Variants in NRXN3 observed in about 807,000 individuals in gnomAD.
The protein encoded by NRXN3 is neurexin 3.
NRXN3 carries 32 observed loss-of-function variants against 137.6 expected under a neutral mutation model. The observed-to-expected ratio is 0.23, with a 90% CI of 0.18 to 0.31. The LOEUF (loss-of-function observed/expected upper bound fraction) is 0.31. Among genes scored for constraint, NRXN3 ranks in the 10% least tolerant of loss-of-function variants. The pLI, the probability that NRXN3 is intolerant of heterozygous loss-of-function variation, is 1.00. For synonymous variants in NRXN3, 798 were observed against 784.5 expected, an observed-to-expected ratio of 1.02 and a Z score of -0.29; for missense variants, 1,574 against 2,062.5, an observed-to-expected ratio of 0.76 and a Z score of 4.59.
At chr14:78,337,759 T>C (rs933689409) in intron 4 of NRXN3, among the ~76,000 whole-genome samples, 2 of 152,192 alleles carry the variant, frequency 1.3e-5, no homozygotes, top group African/African-American at 4.8e-5. Context: ...GCCGTATATA[T>C]AGTACTGATA....
chr14:79,743,398 A>T (rs1228712789), intron 19 of NRXN3, among the ~76,000 whole-genome samples: 1 of 152,166 alleles, frequency 6.6e-6, no homozygotes, highest in Non-Finnish European at 1.5e-5. Context: ...ACAACTCAGA[A>T]ATCTATTTGG....
In NRXN3 at chr14:78,775,662, A is replaced by G. The variant is rs987556146; in HGVS notation, c.2045-27958A>G. Among the ~76,000 whole-genome samples, 11 of 152,348 alleles carry G rather than the reference A, an allele frequency of 7.2e-5. No individual in the cohort carries two copies. The East Asian group carries it at 2.1e-3, about 29-fold the overall frequency. On this transcript the variant is annotated intron_variant, in intron 8 of 20. Coordinates refer to ENST00000335750, the MANE Select transcript of NRXN3 (RefSeq NM_001330195.2). ...AGGTCAATAAGTATCTCTGATGTGGAAAATAACTAATTGTGGGTTATATCA... is the reference window on the plus strand; with the variant it reads ...AGGTCAATAAGTATCTCTGATGTGGGAAATAACTAATTGTGGGTTATATCA...
At chr14:78,441,627 G>T (rs2094252208) in intron 4 of NRXN3, among the ~76,000 whole-genome samples, 2 of 151,902 alleles carry the variant, frequency 1.3e-5, no homozygotes, top group Admixed American at 1.3e-4. Context: ...TTTTGTTGTG[G>T]ATTGAATGGT....
chr14:78,986,915 C>T (rs778305310), intron 14 of NRXN3, among the ~76,000 whole-genome samples: 6 of 142,104 alleles, frequency 4.2e-5, no homozygotes, highest in Admixed American at 7.7e-5. Context: ...CCCAACTACT[C>T]GGGAGGCTGA....
chr14:78,909,640 G>A (rs1228232996), intron 10 of NRXN3, among the ~76,000 whole-genome samples: 2 of 152,054 alleles, frequency 1.3e-5, no homozygotes, highest in East Asian at 1.9e-4. Context: ...TCTTTAAAGG[G>A]AATCCATTTT....
chr14:78,528,548 G>A (rs921923828), intron 4 of NRXN3, among the ~76,000 whole-genome samples: 1 of 152,122 alleles, frequency 6.6e-6, no homozygotes, highest in African/African-American at 2.4e-5. Context: ...AAATCACAGA[G>A]CCAAGCATGT....
At chr14:78,485,823 A>C (rs1041110740) in intron 4 of NRXN3, among the ~76,000 whole-genome samples, 2 of 152,214 alleles carry the variant, frequency 1.3e-5, no homozygotes, top group Admixed American at 6.5e-5. Context: ...ATTATTTGCT[A>C]TTAACAGAAA....
intron 19 of NRXN3, among the ~76,000 whole-genome samples, chr14:79,726,140 T>G (rs1372878409): frequency 1.3e-5 from 2 of 152,188 alleles, no homozygotes; most frequent in Admixed American, 6.6e-5. Context: ...TAGGCTAATT[T>G]TTTTTGTTTC....
At chr14:78,177,785 G>A (rs1230649671) in intron 1 of NRXN3, 2 of 152,136 alleles carry the variant, frequency 1.3e-5, no homozygotes, top group Non-Finnish European at 2.9e-5. Context: ...GATCTTCTGA[G>A]TATTCCTACT....
At position 78,320,042 on chromosome 14, in the gene NRXN3, G is replaced by A. The variant is rs1362827400; in HGVS notation, c.757+22182G>A. Among the ~76,000 whole-genome samples the A allele has an allele frequency of 5.7e-4, 87 of 152,296 alleles. 1 individual carries two copies. Among genetic ancestry groups the A allele is most frequent in the Admixed American group, 5.7e-3 (87 of 15,294 alleles). On this transcript the variant is annotated intron_variant, in intron 4 of 20. Coordinates refer to ENST00000335750, the MANE Select transcript of NRXN3 (RefSeq NM_001330195.2). ...CAACTGGTTGCCAGTGTCTATATTG[G>A]CTGATGGCTCTGGTTTCCAGCTGGC...
chr14:79,220,761 A>AT (rs1481389671), intron 15 of NRXN3, among the ~76,000 whole-genome samples: 1 of 151,814 alleles, frequency 6.6e-6, no homozygotes, highest in African/African-American at 2.4e-5. Context: ...ATACATATAT[A>AT]TTTTTTATTA....
chr14:79,661,780 C>T (rs2098535291), intron 16 of NRXN3: 1 of 142,708 alleles, frequency 7.0e-6, no homozygotes, highest in Admixed American at 6.8e-5. Context: ...CCTTTTACTT[C>T]TTCTTGAATA....
At chr14:78,960,474 T>C (rs3805719) in intron 11 of NRXN3, among the ~76,000 whole-genome samples, 13,312 of 152,212 alleles carry the variant, frequency 0.087, 620 homozygotes, top group South Asian at 0.12. Flanking sequence ...ATGTAAAGAA[T>C]AGGTCTGGCT....
intron 20 of NRXN3, among the ~76,000 whole-genome samples, chr14:79,824,830 C>T (rs562647985): frequency 2.0e-5 from 3 of 152,270 alleles, no homozygotes; most frequent in East Asian, 1.9e-4. Context: ...ACTGTATCAT[C>T]ATATGTAAAA....
At chr14:78,357,469 C>T (rs926809764) in intron 4 of NRXN3, among the ~76,000 whole-genome samples, 1 of 152,128 alleles carries the variant, frequency 6.6e-6, no homozygotes, top group Non-Finnish European at 1.5e-5. Flanking sequence ...ATCAAGGGAT[C>T]TTAAAAAGAC....
At chr14:78,174,811 A>T (rs2059105370) in intron 1 of NRXN3, among the ~76,000 whole-genome samples, 1 of 152,176 alleles carries the variant, frequency 6.6e-6, no homozygotes, top group Admixed American at 6.5e-5. Flanking sequence ...CTCAAATGAG[A>T]TCCCCACGTC....
intron 15 of NRXN3, among the ~76,000 whole-genome samples, chr14:79,090,831 A>G (rs2049022979): frequency 6.6e-6 from 1 of 152,194 alleles, no homozygotes; most frequent in African/African-American, 2.4e-5. Flanking sequence ...TTTGAAGGAA[A>G]TAAGTCCTGT....
intron 16 of NRXN3, among the ~76,000 whole-genome samples, chr14:79,491,647 A>G (rs2096718142): frequency 6.7e-6 from 1 of 150,202 alleles, no homozygotes; most frequent in Non-Finnish European, 1.5e-5. Flanking sequence ...TCACCCTAAA[A>G]TAAAAAAGTG....
chr14:79,797,830 T>A (rs576179856), intron 19 of NRXN3, among the ~76,000 whole-genome samples: 6 of 152,236 alleles, frequency 3.9e-5, no homozygotes, highest in African/African-American at 1.4e-4. Context: ...TAGTGGCTCA[T>A]GCCTGTAGTC....
Sources: allele counts gnomAD v4.1 joint callset (sites outside exome capture counted in the v4.1 genomes callset), GRCh38; gene constraint gnomAD v4.1.1; transcripts MANE v1.5; gene names NCBI Gene and HGNC (gene_info 2026-07-23, HGNC 2026-07-21).